ZNF609: variants seen among roughly 807,000 people sequenced by gnomAD.
The protein encoded by ZNF609 is zinc finger protein 609.
ZNF609 carries 11 observed loss-of-function variants against 109.5 expected under a neutral mutation model. That is an observed-to-expected ratio of 0.10 (90% CI 0.06 to 0.17). The LOEUF is 0.17. Ranked by LOEUF, ZNF609 falls within the 10% of genes least tolerant of loss-of-function variation. The pLI is 1.00. For missense variants in ZNF609, 1,559 were observed against 1,772.4 expected (o/e 0.88, Z 2.16); for synonymous variants, 646 against 662.0 (o/e 0.98, Z 0.37).
At chr15:64,462,640 C>T (rs1892960205) in intron 1 of ZNF609, among the ~76,000 whole-genome samples, 1 of 152,056 alleles carries the variant, frequency 6.6e-6, no homozygotes, top group Non-Finnish European at 1.5e-5. Context: ...GAACCAAGTA[C>T]CTTTTTAATG....
chr15:64,622,700 C>T (rs2140972374), intron 2 of ZNF609, 127 bp from the exon 3 acceptor site: 1 of 789,270 alleles, frequency 1.3e-6, no homozygotes, highest in Non-Finnish European at 2.1e-6. Flanking sequence ...AAGGAAGAAC[C>T]AAAGTCTTAT....
At chr15:64,676,515 C>T (rs1304952160) in intron 5 of ZNF609, among the ~76,000 whole-genome samples, 1 of 152,126 alleles carries the variant, frequency 6.6e-6, no homozygotes, top group African/African-American at 2.4e-5. Context: ...ACTACAACCT[C>T]CGCCTCCCAG....
At chr15:64,666,568 A>G (rs765142856) in intron 3 of ZNF609, among the ~76,000 whole-genome samples, 3 of 151,934 alleles carry the variant, frequency 2.0e-5, no homozygotes, top group African/African-American at 4.8e-5. Flanking sequence ...CAGTAGCACA[A>G]TCTCAGCTCA....
At chr15:64,614,295 A>G (rs1456294847) in intron 2 of ZNF609, among the ~76,000 whole-genome samples, 1 of 149,628 alleles carries the variant, frequency 6.7e-6, no homozygotes, top group African/African-American at 2.5e-5. Flanking sequence ...CAGTGGCGCG[A>G]TCTTGGCTCA....
chr15:64,680,786 G>T lies in ZNF609; in HGVS notation c.4086G>T (p.Leu1362=). Residue 1362 remains leucine (L), a synonymous_variant, in exon 8 of 10, where the codon CTG becomes CTT. Coordinates refer to ENST00000326648, the MANE Select transcript of ZNF609 (RefSeq NM_015042.2). Reference sequence around the variant, plus strand: ...CCCGCACCTCTCCTTCCCAGCGCCTGATGTCCACACACCACCACCACCACC... The same window carrying T: ...CCCGCACCTCTCCTTCCCAGCGCCTTATGTCCACACACCACCACCACCACC... ...DRPRTSPSQR[L]MSTHHHHHHL... The T allele has an allele frequency of 6.2e-7, 1 of 1,613,602 alleles. No homozygotes were observed.
chr15:64,495,210 G>A (rs1450253791), intron 1 of ZNF609, among the ~76,000 whole-genome samples: 3 of 152,128 alleles, frequency 2.0e-5, no homozygotes, highest in Non-Finnish European at 2.9e-5. Flanking sequence ...TTTCCTTATT[G>A]TTAAGGCTTT....
At chr15:64,561,455 ACT>A (rs3057828) in intron 2 of ZNF609, among the ~76,000 whole-genome samples, 36,387 of 151,422 alleles carry the variant, frequency 0.24, 7,069 homozygotes, top group African/African-American at 0.53. Flanking sequence ...AGATTTGATT[ACT>A]CTTAAGACCT....
chr15:64,599,180 T>G lies in ZNF609; in HGVS notation c.748-23647T>G, dbSNP rs1405259265. The stretch of plus-strand genomic sequence containing the variant: ...TTATTTTGTGGTGGTTTTTTTTTTT[T>G]TTTTTTTTTTTTTTTTGGTTTTTGA... On this transcript the variant is annotated intron_variant, in intron 2 of 9. Transcript: ENST00000326648. Among the ~76,000 whole-genome samples the G allele has an allele frequency of 4.1e-5, 6 of 147,824 alleles. No homozygotes were observed. The East Asian group carries it at 9.7e-4, about 24-fold the overall frequency.
At chr15:64,521,046 G>A (rs1218834673) in intron 2 of ZNF609, among the ~76,000 whole-genome samples, 1 of 151,536 alleles carries the variant, frequency 6.6e-6, no homozygotes, top group Admixed American at 6.6e-5. Context: ...TGTACAGGTG[G>A]GTAGAAAGTC....
At chr15:64,572,055 A>G (rs758880791) in intron 2 of ZNF609, among the ~76,000 whole-genome samples, 1 of 152,186 alleles carries the variant, frequency 6.6e-6, no homozygotes, top group Non-Finnish European at 1.5e-5. Context: ...TGATACTGAA[A>G]GATAAAAAGC....
intron 2 of ZNF609, among the ~76,000 whole-genome samples, chr15:64,621,388 C>T (rs1895873782): frequency 6.6e-6 from 1 of 151,236 alleles, no homozygotes; most frequent in African/African-American, 2.4e-5. Context: ...TTCACTCTGT[C>T]ACCCAGACTG....
At chr15:64,649,404 T>TCA (rs1465408944) in intron 3 of ZNF609, among the ~76,000 whole-genome samples, 2 of 151,578 alleles carry the variant, frequency 1.3e-5, no homozygotes, top group East Asian at 3.8e-4. Context: ...ACACTCTCTC[T>TCA]CACACACACA....
intron 2 of ZNF609, among the ~76,000 whole-genome samples, chr15:64,515,031 C>A (rs1398712384): frequency 6.6e-6 from 1 of 152,084 alleles, no homozygotes; most frequent in African/African-American, 2.4e-5. Context: ...TTGTCTTAAG[C>A]AAATGGGATT....
intron 2 of ZNF609, among the ~76,000 whole-genome samples, chr15:64,503,984 T>C (rs896667980): frequency 6.6e-6 from 1 of 152,206 alleles, no homozygotes; most frequent in East Asian, 1.9e-4. Context: ...TTGTAGTCCC[T>C]CATTGCCTAA....
At chr15:64,681,654 G>T in intron 9 of ZNF609, 38 bp from the exon 10 acceptor site, 1 of 364,248 alleles carries the variant, frequency 2.7e-6, no homozygotes. Context: ...TTACCAACAG[G>T]CTGAGTGCCT....
chr15:64,524,376 C>T (rs1893938783), intron 2 of ZNF609, among the ~76,000 whole-genome samples: 1 of 152,270 alleles, frequency 6.6e-6, no homozygotes, highest in African/African-American at 2.4e-5. Context: ...CCAGCCTGAC[C>T]AACATGGTGA....
intron 3 of ZNF609, among the ~76,000 whole-genome samples, chr15:64,656,783 T>TCTCCCTTC (rs971178157): frequency 6.8e-6 from 1 of 146,700 alleles, no homozygotes; most frequent in East Asian, 2.1e-4. Context: ...CCCTCCCCTC[T>TCTCCCTTC]CTCCCTTCCT....
Position 64,678,460 on chromosome 15 carries a change from T to C in ZNF609, c.3747T>C (p.Ala1249=), listed in dbSNP as rs750910386. ...PNHPSYRSMP[A]VMMQNYPGSY... ...ACCCCAGCTACCGGAGCATGCCTGC[T>C]GTGATGATGCAGAACTACCCAGGTA... Residue 1249 remains alanine, a synonymous_variant, in exon 6 of 10, where the codon GCT becomes GCC. Coordinates refer to ENST00000326648, the MANE Select transcript of ZNF609 (RefSeq NM_015042.2). The C allele has an allele frequency of 9.4e-6, 15 of 1,594,158 alleles. No homozygotes were observed. The East Asian group carries it at 2.7e-4, about 28-fold the overall frequency.
chr15:64,474,446 C>T (rs944053539), intron 1 of ZNF609, among the ~76,000 whole-genome samples: 2 of 152,080 alleles, frequency 1.3e-5, no homozygotes, highest in African/African-American at 4.8e-5. Flanking sequence ...CTCCCGACCT[C>T]AGGTGATCCG....
Sources: allele counts gnomAD v4.1 joint callset (sites outside exome capture counted in the v4.1 genomes callset), GRCh38; gene constraint gnomAD v4.1.1; transcripts MANE v1.5; gene names NCBI Gene and HGNC (gene_info 2026-07-23, HGNC 2026-07-21).